Variants in ZNF808 observed in about 807,000 individuals in gnomAD.
The protein encoded by ZNF808 is zinc finger protein 808.
Under a neutral mutation model 8.7 loss-of-function variants are expected in ZNF808, and 5 were observed. That is an observed-to-expected ratio of 0.58 (90% CI 0.30 to 1.21). ZNF808 has a LOEUF of 1.21. Ranked by LOEUF, ZNF808 falls within the 50% of genes most tolerant of loss-of-function variation. The probability of loss-of-function intolerance (pLI) is 0.07; values close to 1 mark genes in which losing one functional copy is unlikely to be tolerated. For missense variants in ZNF808, 1,103 were observed against 1,098.4 expected, an observed-to-expected ratio of 1.00 and a Z score of -0.06; for synonymous variants, 380 against 366.0, an observed-to-expected ratio of 1.04 and a Z score of -0.44.
chr19:52,536,593 C>G (rs548780321), intron 2 of ZNF808, among the ~76,000 whole-genome samples: 2 of 152,188 alleles, frequency 1.3e-5, no homozygotes, highest in African/African-American at 4.8e-5. Flanking sequence ...CAGGTCCCAG[C>G]GGCTTGTCCT....
At position 52,553,741 on chromosome 19, in the gene ZNF808, A is replaced by G. The variant is rs534818913; in HGVS notation, c.825A>G (p.Ala275=). 8.1e-6 allele frequency: 13 copies of G among 1,614,200 alleles called. No individual in the cohort carries two copies. In the East Asian group the frequency reaches 1.8e-4, roughly 22 times the overall value. ...GKLFNHKQYL[A]CHRRCHTGEK... is the part of the protein sequence containing the mutation. Reference sequence around the variant, plus strand: ...TCTTTAATCACAAGCAATACCTTGCATGCCATCGTAGATGTCACACTGGAG... The same window carrying G: ...TCTTTAATCACAAGCAATACCTTGCGTGCCATCGTAGATGTCACACTGGAG... Residue 275 remains alanine, a synonymous_variant, in exon 5 of 5, where the codon GCA becomes GCG. Transcript: ENST00000359798.
chr19:52,539,150 A>G (rs373306768), intron 2 of ZNF808, among the ~76,000 whole-genome samples: 1 of 148,718 alleles, frequency 6.7e-6, no homozygotes, highest in African/African-American at 2.5e-5. Flanking sequence ...TCTTTTTGTA[A>G]TTGGTTTCCT....
At chr19:52,550,220 C>T (rs1005205570) in intron 4 of ZNF808, among the ~76,000 whole-genome samples, 2 of 151,420 alleles carry the variant, frequency 1.3e-5, no homozygotes, top group African/African-American at 4.9e-5. Context: ...TAATTTGCCT[C>T]CAGGGTTGGT....
At chr19:52,528,736 T>C (rs746757778) in intron 1 of ZNF808, among the ~76,000 whole-genome samples, 8 of 151,900 alleles carry the variant, frequency 5.3e-5, no homozygotes, top group Admixed American at 2.0e-4. Flanking sequence ...CACCTGGGGA[T>C]CTGGGGTGAC....
Position 52,555,629 on chromosome 19 carries a change from T to A in ZNF808, c.*1T>A. ...TCATGGTATAGGGAAATTTGATTAA[T>A]ATAATGATTGTCACAAAGTCTTCAG... On this transcript the variant is annotated 3_prime_UTR_variant, in exon 5 of 5. Transcript: ENST00000359798. The A allele has an allele frequency of 6.3e-7, 1 of 1,591,348 alleles. No individual in the cohort carries two copies. The highest frequency in any genetic ancestry group is 8.5e-7 in the Non-Finnish European group (1 of 1,170,164).
intron 3 of ZNF808, among the ~76,000 whole-genome samples, chr19:52,546,922 G>A (rs184768833): frequency 5.9e-4 from 89 of 149,748 alleles, no homozygotes; most frequent in Middle Eastern, 3.5e-3. Context: ...GATTACAGGC[G>A]AGAGCCATTG....
At chr19:52,529,879 C>G (rs577768487) in intron 1 of ZNF808, among the ~76,000 whole-genome samples, 1 of 147,720 alleles carries the variant, frequency 6.8e-6, no homozygotes, top group South Asian at 2.1e-4. Context: ...AGCCACCAAG[C>G]CCAGCTAGTT....
In ZNF808 at chr19:52,556,082, A is replaced by G. The variant is rs1045597653; in HGVS notation, c.*454A>G. 7.4e-5 allele frequency: 32 copies of G among 433,594 alleles called. 3 individuals carry two copies. The Admixed American group carries it at 7.5e-4, about 10-fold the overall frequency. The allele number at this position is 433,594 out of a possible 1,614,324, so 26.9% of individuals were successfully genotyped here. On this transcript the variant is annotated 3_prime_UTR_variant, in exon 5 of 5. Transcript: ENST00000359798. ...ATAGCAAACCATCAAGCATTAATTGACATTGGAGTCAATTCAGCATTGACT... is the reference window on the plus strand; with the variant it reads ...ATAGCAAACCATCAAGCATTAATTGGCATTGGAGTCAATTCAGCATTGACT...
At position 52,554,415 on chromosome 19, in the gene ZNF808, G is replaced by A. The variant is rs775886541; in HGVS notation, c.1499G>A (p.Cys500Tyr). The A allele has an allele frequency of 2.2e-5, 35 of 1,613,916 alleles. No individual in the cohort carries two copies. Among genetic ancestry groups the A allele is most frequent in the Admixed American group, 5.0e-5 (3 of 59,982 alleles). The change falls in exon 5 of 5, where the codon TGC (cysteine) becomes TAC (tyrosine). Residue 500 changes from cysteine (C) to tyrosine (Y), a missense_variant. Transcript: ENST00000359798. Reference protein sequence around the residue: ...KTFSRRSSLLCHRRLHSGEKP... With the variant: ...KTFSRRSSLLYHRRLHSGEKP... Reference sequence around the variant, plus strand: ...TTCAGCCGCAGGTCATCCCTTCTATGCCATCGTAGACTTCATAGTGGTGAA... The same window carrying A: ...TTCAGCCGCAGGTCATCCCTTCTATACCATCGTAGACTTCATAGTGGTGAA...
intron 2 of ZNF808, among the ~76,000 whole-genome samples, chr19:52,538,270 T>C (rs3859455): frequency 0.013 from 1,962 of 146,938 alleles, 36 homozygotes; most frequent in African/African-American, 0.047. Context: ...GGTTCCCCCG[T>C]CTTGGCCTTG....
intron 2 of ZNF808, among the ~76,000 whole-genome samples, chr19:52,541,818 A>G (rs1477271253): frequency 1.3e-5 from 2 of 152,046 alleles, no homozygotes; most frequent in South Asian, 2.1e-4. Context: ...GAGCTCTACA[A>G]TCCTGTGTCC....
chr19:52,542,957 T>TGG (rs1568483309), intron 2 of ZNF808, among the ~76,000 whole-genome samples: 17 of 121,362 alleles, frequency 1.4e-4, no homozygotes, highest in African/African-American at 6.2e-4. Context: ...GATCTTTTTT[T>TGG]TGGGGGGGGG....
At chr19:52,534,925 A>G (rs2059591325) in intron 2 of ZNF808, among the ~76,000 whole-genome samples, 1 of 152,128 alleles carries the variant, frequency 6.6e-6, no homozygotes. Flanking sequence ...AAAAAGAGAA[A>G]GTAATAGATC....
intron 1 of ZNF808, 122 bp downstream of exon 1, chr19:52,527,833 A>G (rs2059523245): frequency 6.6e-6 from 1 of 152,590 alleles, no homozygotes; most frequent in Middle Eastern, 3.2e-3. Flanking sequence ...CCCAGAGCAA[A>G]TTGAGACAGC....
intron 4 of ZNF808, among the ~76,000 whole-genome samples, chr19:52,548,373 G>C (rs1320686693): frequency 6.6e-6 from 1 of 152,170 alleles, no homozygotes; most frequent in Admixed American, 6.5e-5. Context: ...CCATAGTTTA[G>C]TTCTACTGTC....
intron 3 of ZNF808, among the ~76,000 whole-genome samples, chr19:52,561,584 G>A (rs2059858440): frequency 6.9e-6 from 1 of 143,984 alleles, no homozygotes; most frequent in Non-Finnish European, 1.5e-5. Flanking sequence ...TTTCGTTCTT[G>A]TTTCCCAGGC....
chr19:52,567,055 G>A (rs1182558302), downstream of ZNF808, among the ~76,000 whole-genome samples: 8 of 151,054 alleles, frequency 5.3e-5, no homozygotes, highest in Admixed American at 5.3e-4. Context: ...GGGTTCAAGC[G>A]ATTCTCCTGC....
At position 52,555,540 on chromosome 19, in the gene ZNF808, A is replaced by G. The variant is rs1306689929; in HGVS notation, c.2624A>G (p.Tyr875Cys). The change falls in exon 5 of 5, where the codon TAC (tyrosine) becomes TGC (cysteine). Residue 875 changes from tyrosine (Y) to cysteine (C), a missense_variant. Physicochemically the swap from Tyr to Cys is radical, Grantham distance 194. Coordinates refer to ENST00000359798, the MANE Select transcript of ZNF808 (RefSeq NM_001039886.4). The stretch of plus-strand genomic sequence containing the variant: ...ATAATTCATACTGGAGAGAAACCTT[A>G]CAAGTGTAATGAGTGTGGCAAAGCC... ...HRIIHTGEKPYKCNECGKAFS... is the reference protein window; with the variant it reads ...HRIIHTGEKPCKCNECGKAFS... 1.2e-6 allele frequency: 2 copies of G among 1,613,998 alleles called. No homozygotes were observed. The highest frequency in any genetic ancestry group is 1.3e-5 in the African/African-American group (1 of 74,940).
Position 52,539,259 on chromosome 19 carries a change from T to C in ZNF808, c.-19-4007T>C, listed in dbSNP as rs991303207. ...CGCAGGCTGGAGTGGAGTGGAGCAG[T>C]CTTGACTCACTGCAACCTCTGCCTC... On this transcript the variant is annotated intron_variant, in intron 2 of 4. Coordinates refer to ENST00000359798, the MANE Select transcript of ZNF808 (RefSeq NM_001039886.4). 2.7e-5 allele frequency among the ~76,000 whole-genome samples: 4 copies of C among 147,720 alleles called. No individual in the cohort carries two copies. The Admixed American group carries it at 2.8e-4, about 10-fold the overall frequency.
Sources: allele counts gnomAD v4.1 joint callset (sites outside exome capture counted in the v4.1 genomes callset), GRCh38; gene constraint gnomAD v4.1.1; transcripts MANE v1.5; gene names NCBI Gene and HGNC (gene_info 2026-07-23, HGNC 2026-07-21).